The following PNKD variants were observed in gnomAD, a reference collection of about 807,000 sequenced individuals.
The protein encoded by PNKD is probable thioesterase PNKD.
Under a neutral mutation model 45.3 loss-of-function variants are expected in PNKD, and 36 were observed. The ratio of observed to expected loss-of-function variants is 0.80; its 90% CI spans 0.61 to 1.05. PNKD has a LOEUF of 1.05. Among genes scored for constraint, PNKD ranks in the 50% least tolerant of loss-of-function variants. The pLI is 0.00. For missense variants in PNKD, 511 were observed against 506.6 expected, an observed-to-expected ratio of 1.01 and a Z score of -0.08; for synonymous variants, 197 against 210.1, an observed-to-expected ratio of 0.94 and a Z score of 0.54.
intron 2 of PNKD, among the ~76,000 whole-genome samples, chr2:218,317,061 A>G (rs1025871313): frequency 6.6e-6 from 1 of 152,150 alleles, no homozygotes; most frequent in African/African-American, 2.4e-5. Flanking sequence ...GTCCATGTGT[A>G]CTGGGGATGG....
intron 2 of PNKD, among the ~76,000 whole-genome samples, chr2:218,315,974 G>A (rs1693801202): frequency 6.6e-6 from 1 of 152,204 alleles, no homozygotes; most frequent in African/African-American, 2.4e-5. Flanking sequence ...GGGCTCTGCT[G>A]GGCTGGGTTG....
intron 2 of PNKD, among the ~76,000 whole-genome samples, chr2:218,298,106 C>T (rs1693191763): frequency 6.6e-6 from 1 of 152,030 alleles, no homozygotes. Context: ...GTGAGAAAGG[C>T]ACATGGCGGA....
At position 218,303,574 on chromosome 2, in the gene PNKD, C is replaced by CTTT. The variant is rs59067154; in HGVS notation, c.236+32044_236+32046dup. Among the ~76,000 whole-genome samples the CTTT allele has an allele frequency of 4.0e-4, 41 of 101,662 alleles. 2 individuals are homozygous for CTTT. The South Asian group carries it at 5.9e-3, about 15-fold the overall frequency. 66.7% of individuals were successfully genotyped at this position (101,662 alleles called of 152,430 possible). A position where few individuals can be genotyped will look rare whatever the true frequency, so the allele number is the denominator to read the frequency against. ...CGACCCCCATCCCAGACCTGCACTT[C>CTTT]TTTTTTTTTTTTTTTTTTTTTGAGC... On this transcript the variant is annotated intron_variant, in intron 2 of 9. Transcript: ENST00000273077.
At chr2:218,315,057 T>TCTTCCTTC (rs1393170995) in intron 2 of PNKD, among the ~76,000 whole-genome samples, 709 of 55,616 alleles carry the variant, frequency 0.013, 35 homozygotes, top group African/African-American at 0.032. Context: ...TTTCTTTCTT[T>TCTTCCTTC]CTTCCTTCCT....
At chr2:218,301,186 G>A (rs1192290914) in intron 2 of PNKD, among the ~76,000 whole-genome samples, 1 of 152,148 alleles carries the variant, frequency 6.6e-6, no homozygotes, top group Non-Finnish European at 1.5e-5. Context: ...TAAAAATTCA[G>A]TTTTATAGTT....
intron 2 of PNKD, chr2:218,323,475 G>C (rs1373305763): frequency 4.0e-6 from 6 of 1,484,184 alleles, no homozygotes; most frequent in African/African-American, 1.4e-5. Flanking sequence ...GGAGGCGGGC[G>C]CGCTGGGAGA....
chr2:218,337,006 G>T (rs1353597616), intron 2 of PNKD, among the ~76,000 whole-genome samples: 1 of 151,602 alleles, frequency 6.6e-6, no homozygotes, highest in Non-Finnish European at 1.5e-5. Context: ...TACCATGTTG[G>T]CCAGGCTGGT....
At chr2:218,344,415 C>G (rs1179968393) in intron 8 of PNKD, 40 bp from the exon 9 acceptor site, 1 of 1,403,508 alleles carries the variant, frequency 7.1e-7, no homozygotes, top group Non-Finnish European at 9.9e-7. Flanking sequence ...TACCACCAAT[C>G]TCTCTCTGCT....
chr2:218,277,835 G>C (rs1029502742), intron 2 of PNKD: 1 of 1,566,556 alleles, frequency 6.4e-7, no homozygotes. Context: ...AGGTGGAGGA[G>C]ACAGCCAGGA....
intron 2 of PNKD, among the ~76,000 whole-genome samples, chr2:218,276,603 C>G (rs528107923): frequency 6.6e-6 from 1 of 152,124 alleles, no homozygotes; most frequent in South Asian, 2.1e-4. Context: ...CTGTTCTCCC[C>G]CAGCTGAACA....
At chr2:218,335,699 G>T (rs1361180781) in intron 2 of PNKD, among the ~76,000 whole-genome samples, 3 of 152,114 alleles carry the variant, frequency 2.0e-5, no homozygotes, top group African/African-American at 4.8e-5. Context: ...ATAAAGGTTG[G>T]CAAAGCCCTT....
At chr2:218,337,047 G>A (rs1694516689) in intron 2 of PNKD, among the ~76,000 whole-genome samples, 1 of 151,348 alleles carries the variant, frequency 6.6e-6, no homozygotes, top group Admixed American at 6.6e-5. Context: ...TGATCTACCA[G>A]CCTCTGCCTT....
intron 2 of PNKD, chr2:218,282,044 G>A (rs1692065583): frequency 6.2e-7 from 1 of 1,605,700 alleles, no homozygotes; most frequent in Non-Finnish European, 8.5e-7. Context: ...ATACCCTCCT[G>A]GCAGGACAGA....
At chr2:218,280,515 G>A (rs1691797838) in intron 2 of PNKD, 4 of 267,320 alleles carry the variant, frequency 1.5e-5, no homozygotes, top group South Asian at 1.1e-4. Context: ...GCGGCAGAGC[G>A]CAGTTTGTGC....
intron 2 of PNKD, among the ~76,000 whole-genome samples, chr2:218,317,522 A>C (rs969259343): frequency 6.6e-6 from 1 of 152,218 alleles, no homozygotes; most frequent in African/African-American, 2.4e-5. Context: ...AGTCAGGAAG[A>C]GCAATGGCCT....
Position 218,345,013 on chromosome 2 carries a change from C to G in PNKD, c.*32C>G. The G allele has an allele frequency of 6.4e-7, 1 of 1,568,608 alleles. No homozygotes were observed. Among genetic ancestry groups the G allele is most frequent in the South Asian group, 1.1e-5 (1 of 88,072 alleles). On this transcript the variant is annotated 3_prime_UTR_variant, in exon 10 of 10. Coordinates refer to ENST00000273077, the MANE Select transcript of PNKD (RefSeq NM_015488.5). Reference sequence around the variant, plus strand: ...CAGCGCCCCCAGCCCAGCCCACTCCCCGCATGGGGAGGCCGCCACCACCAA... The same window carrying G: ...CAGCGCCCCCAGCCCAGCCCACTCCGCGCATGGGGAGGCCGCCACCACCAA...
At position 218,339,773 on chromosome 2, in the gene PNKD, C is replaced by A. The variant is rs201618527; in HGVS notation, c.237-10C>A. The A allele has an allele frequency of 3.2e-6, 5 of 1,579,482 alleles. No individual in the cohort carries two copies. Among genetic ancestry groups the A allele is most frequent in the South Asian group, 1.1e-5 (1 of 90,246 alleles). On this transcript the variant is annotated splice_polypyrimidine_tract_variant and intron_variant, in intron 2 of 9. Transcript: ENST00000273077. ...AAAGGCTAATCATAGGCCACCCACT[C>A]GCCCTCTAGGTACAGCCTGTACACC...
At chr2:218,307,505 C>T (rs1000512888) in intron 2 of PNKD, among the ~76,000 whole-genome samples, 8 of 152,056 alleles carry the variant, frequency 5.3e-5, no homozygotes, top group Admixed American at 2.6e-4. Flanking sequence ...CAATAGGGTG[C>T]GAGCTCCTAT....
At chr2:218,274,012 T>A (rs1690980360) in intron 2 of PNKD, among the ~76,000 whole-genome samples, 1 of 152,028 alleles carries the variant, frequency 6.6e-6, no homozygotes, top group Non-Finnish European at 1.5e-5. Flanking sequence ...TGTGATAGGG[T>A]TGAGCTCTCC....
Sources: gnomAD v4.1 joint callset for allele counts (sites outside exome capture counted in the v4.1 genomes callset) on GRCh38, gnomAD v4.1.1 for gene constraint, MANE v1.5 for transcripts, NCBI Gene and HGNC (gene_info 2026-07-23, HGNC 2026-07-21) for gene names.